Variants in CHRM3 observed in about 807,000 individuals in gnomAD.
CHRM3 encodes the protein muscarinic acetylcholine receptor M3.
In CHRM3, 11 loss-of-function variants were observed where a neutral mutation model predicts 41.8. The observed-to-expected ratio is 0.26, with a 90% CI of 0.17 to 0.44. The LOEUF is 0.44. Ranked by LOEUF, CHRM3 falls within the 20% of genes least tolerant of loss-of-function variation. The pLI, the probability that CHRM3 is intolerant of heterozygous loss-of-function variation, is 1.00. For missense variants in CHRM3, 571 were observed against 745.4 expected (o/e 0.77, Z 2.72); for synonymous variants, 297 against 301.4 (o/e 0.99, Z 0.15).
chr1:239,778,173 G>C (rs2148780469), intron 5 of CHRM3, among the ~76,000 whole-genome samples: 1 of 152,272 alleles, frequency 6.6e-6, no homozygotes, highest in South Asian at 2.1e-4. Context: ...CCAGTATTAA[G>C]TTTGACAGCA....
At chr1:239,451,531 G>T (rs1374528362) in intron 1 of CHRM3, among the ~76,000 whole-genome samples, 1 of 152,086 alleles carries the variant, frequency 6.6e-6, no homozygotes. Flanking sequence ...TGGTGTACCG[G>T]GGTAATAGCA....
chr1:239,864,065 C>T (rs1427298629), intron 6 of CHRM3, among the ~76,000 whole-genome samples: 4 of 149,752 alleles, frequency 2.7e-5, no homozygotes, highest in South Asian at 2.1e-4. Context: ...AAATTCAGTC[C>T]GTTCTTGATT....
chr1:239,728,869 C>T (rs1223565873), intron 5 of CHRM3, among the ~76,000 whole-genome samples: 1 of 151,916 alleles, frequency 6.6e-6, no homozygotes, highest in Non-Finnish European at 1.5e-5. Context: ...TTCATTCAAT[C>T]CTTCATTCAA....
intron 2 of CHRM3, among the ~76,000 whole-genome samples, chr1:239,531,214 G>C (rs1040925850): frequency 3.3e-5 from 5 of 151,980 alleles, no homozygotes; most frequent in African/African-American, 1.2e-4. Flanking sequence ...TGAAAAAGAA[G>C]AACCAAGTTA....
intron 2 of CHRM3, among the ~76,000 whole-genome samples, chr1:239,526,636 A>T (rs572018652): frequency 8.5e-5 from 13 of 152,290 alleles, no homozygotes; most frequent in Admixed American, 6.5e-4. Flanking sequence ...AATGCACTTT[A>T]TGTTGATGGT....
At chr1:239,808,035 A>G (rs1424717636) in intron 5 of CHRM3, among the ~76,000 whole-genome samples, 1 of 152,186 alleles carries the variant, frequency 6.6e-6, no homozygotes, top group Non-Finnish European at 1.5e-5. Context: ...AAAGAAACAT[A>G]TTCCAAAATT....
chr1:239,885,820 A>G (rs1036918761), intron 6 of CHRM3, among the ~76,000 whole-genome samples: 2 of 152,152 alleles, frequency 1.3e-5, no homozygotes, highest in Admixed American at 1.3e-4. Flanking sequence ...AGGTGACACT[A>G]AACTGAATAG....
intron 6 of CHRM3, among the ~76,000 whole-genome samples, chr1:239,897,717 A>C (rs1047897520): frequency 6.6e-6 from 1 of 152,188 alleles, no homozygotes; most frequent in Non-Finnish European, 1.5e-5. Context: ...ATTTAACAAG[A>C]ACCTCTCCCG....
intron 1 of CHRM3, among the ~76,000 whole-genome samples, chr1:239,476,853 T>C (rs1196212742): frequency 6.6e-6 from 1 of 152,166 alleles, no homozygotes; most frequent in Non-Finnish European, 1.5e-5. Context: ...AATAATCCCA[T>C]TGTTAGGTGA....
intron 2 of CHRM3, among the ~76,000 whole-genome samples, chr1:239,516,870 G>T (rs1055160740): frequency 6.6e-6 from 1 of 152,062 alleles, no homozygotes; most frequent in East Asian, 1.9e-4. Flanking sequence ...AAACCCTATT[G>T]TGAACTGCAC....
intron 5 of CHRM3, among the ~76,000 whole-genome samples, chr1:239,770,114 G>A (rs940462662): frequency 5.3e-5 from 8 of 152,096 alleles, no homozygotes; most frequent in Admixed American, 5.2e-4. Context: ...AACACTGACT[G>A]TGGAAAATTC....
Position 239,598,245 on chromosome 1 carries a change from G to A in CHRM3, c.-312-33979G>A, listed in dbSNP as rs189517971. Among the ~76,000 whole-genome samples the A allele has an allele frequency of 8.2e-4, 125 of 152,038 alleles. No homozygotes were observed. The South Asian group carries it at 0.021, about 25-fold the overall frequency. Reference sequence around the variant, plus strand: ...CTATTATTATTATTGTTTAGATTTCGCTGCCAGTCCAGCAGAGGGGCTTAA... The same window carrying A: ...CTATTATTATTATTGTTTAGATTTCACTGCCAGTCCAGCAGAGGGGCTTAA... On this transcript the variant is annotated intron_variant, in intron 3 of 6. Coordinates refer to ENST00000676153, the MANE Select transcript of CHRM3 (RefSeq NM_001375978.1).
Position 239,910,242 on chromosome 1 carries a change from TTTCTGCTA to T in CHRM3, c.*1020_*1027del. 6.0e-6 allele frequency: 1 copy of T among 166,766 alleles called. No individual in the cohort carries two copies. The highest frequency in any genetic ancestry group is 1.5e-5 in the Non-Finnish European group (1 of 68,092). 10.3% of individuals were successfully genotyped at this position (166,766 alleles called of 1,614,324 possible). A position where few individuals can be genotyped will look rare whatever the true frequency, so the allele number is the denominator to read the frequency against. ...TAAATCTGAATGTTTCAGAACAAAATTTCTGCTATCTAAACTGCTTGAAACTCAATAAT... is the reference window on the plus strand; with the variant it reads ...TAAATCTGAATGTTTCAGAACAAAATTCTAAACTGCTTGAAACTCAATAAT... On this transcript the variant is annotated 3_prime_UTR_variant, in exon 7 of 7. Coordinates refer to ENST00000676153, the MANE Select transcript of CHRM3 (RefSeq NM_001375978.1).
intron 5 of CHRM3, among the ~76,000 whole-genome samples, chr1:239,727,499 A>G (rs1420066602): frequency 6.6e-6 from 1 of 151,932 alleles, no homozygotes; most frequent in Admixed American, 6.6e-5. Flanking sequence ...ATCGTGTGCT[A>G]TAAAAAGTAT....
At chr1:239,644,556 G>A (rs1671567944) in intron 4 of CHRM3, among the ~76,000 whole-genome samples, 2 of 152,182 alleles carry the variant, frequency 1.3e-5, no homozygotes, top group Non-Finnish European at 1.5e-5. Context: ...GTGAGCTTTA[G>A]GGCAGAGAAT....
At chr1:239,526,014 A>G (rs891056908) in intron 2 of CHRM3, among the ~76,000 whole-genome samples, 1 of 152,128 alleles carries the variant, frequency 6.6e-6, no homozygotes, top group Admixed American at 6.5e-5. Flanking sequence ...TTTGGGAATG[A>G]CTCATCTCAA....
Position 239,907,530 on chromosome 1 carries a change from G to T in CHRM3, c.79G>T (p.Ala27Ser), listed in dbSNP as rs201891859. 125 of 1,614,036 alleles carry T rather than the reference G, an allele frequency of 7.7e-5. 3 individuals are homozygous for T. The South Asian group carries it at 1.3e-3, about 17-fold the overall frequency. The change falls in exon 7 of 7, where the codon GCA becomes TCA. Residue 27 changes from alanine to serine, a missense_variant. Ala to Ser is a moderately conservative substitution (Grantham distance 99, BLOSUM62 1). Transcript: ENST00000676153. This position sits in a 1 kb window ranked among gnomAD's most constrained non-coding sequence, Gnocchi z 5.4. ...SSSWIHSPSDAGLPPGTVTHF... is the reference protein window; with the variant it reads ...SSSWIHSPSDSGLPPGTVTHF... Reference sequence around the variant, plus strand: ...CTCCTGGATACACAGCCCCTCCGATGCAGGGCTGCCCCCGGGAACCGTCAC... The same window carrying T: ...CTCCTGGATACACAGCCCCTCCGATTCAGGGCTGCCCCCGGGAACCGTCAC...
At chr1:239,766,663 G>GGATATA (rs1163816993) in intron 5 of CHRM3, among the ~76,000 whole-genome samples, 1 of 128,052 alleles carries the variant, frequency 7.8e-6, no homozygotes, top group African/African-American at 3.0e-5. Flanking sequence ...TGATAGATAT[G>GGATATA]GATATAGATA....
At chr1:239,814,955 T>C (rs1671454542) in intron 5 of CHRM3, among the ~76,000 whole-genome samples, 1 of 152,002 alleles carries the variant, frequency 6.6e-6, no homozygotes, top group Admixed American at 6.6e-5. Flanking sequence ...TTTATATTTT[T>C]AGTAGAGATG....
Sources: allele counts gnomAD v4.1 joint callset (sites outside exome capture counted in the v4.1 genomes callset), GRCh38; gene constraint gnomAD v4.1.1; non-coding constraint Gnocchi (gnomAD v3.1); transcripts MANE v1.5; gene names NCBI Gene and HGNC (gene_info 2026-07-23, HGNC 2026-07-21).